The following CHN2 variants were observed in gnomAD, a reference collection of about 807,000 sequenced individuals.
CHN2 encodes the protein chimerin 2.
Under a neutral mutation model 56.3 loss-of-function variants are expected in CHN2, and 35 were observed. The ratio of observed to expected loss-of-function variants is 0.62; its 90% CI spans 0.47 to 0.82. CHN2 has a LOEUF of 0.82. Ranked by LOEUF, CHN2 falls within the 40% of genes least tolerant of loss-of-function variation. The pLI, the probability that CHN2 is intolerant of heterozygous loss-of-function variation, is 0.00. For synonymous variants in CHN2, 210 were observed against 212.8 expected, an observed-to-expected ratio of 0.99 and a Z score of 0.12; for missense variants, 491 against 580.5, an observed-to-expected ratio of 0.85 and a Z score of 1.58.
intron 1 of CHN2, among the ~76,000 whole-genome samples, chr7:29,280,147 G>A (rs536636867): frequency 6.6e-6 from 1 of 152,294 alleles, no homozygotes; most frequent in African/African-American, 2.4e-5. Context: ...ACTTTGGGAG[G>A]CTGAGGCGGG....
chr7:29,405,164 TACACACACACACACACACACACAC>T (rs57823678), intron 6 of CHN2, among the ~76,000 whole-genome samples: 11,176 of 105,314 alleles, frequency 0.11, 608 homozygotes, highest in South Asian at 0.24. Flanking sequence ...TATGTCACCA[TACACACACACACACACACACACAC>T]ACACACACAC....
intron 1 of CHN2, among the ~76,000 whole-genome samples, chr7:29,251,402 C>T (rs756755445): frequency 2.0e-5 from 3 of 151,724 alleles, no homozygotes; most frequent in Non-Finnish European, 4.4e-5. Flanking sequence ...TGCAGTGAGC[C>T]GTGATCATGC....
At chr7:29,422,718 G>A (rs528687489) in intron 6 of CHN2, among the ~76,000 whole-genome samples, 5 of 152,286 alleles carry the variant, frequency 3.3e-5, no homozygotes, top group South Asian at 2.1e-4. Context: ...AGATAAATTT[G>A]CATCTTACAA....
chr7:29,163,577 G>A (rs1346965427), intron 2 of CHN2, among the ~76,000 whole-genome samples: 1 of 151,754 alleles, frequency 6.6e-6, no homozygotes, highest in Non-Finnish European at 1.5e-5. Context: ...AGGTATAACT[G>A]GCATACAATA....
At chr7:29,430,039 C>G (rs764304324) in intron 6 of CHN2, among the ~76,000 whole-genome samples, 3 of 152,208 alleles carry the variant, frequency 2.0e-5, no homozygotes, top group Non-Finnish European at 4.4e-5. Flanking sequence ...GCCATTTCTA[C>G]TGTACTTAGA....
chr7:29,512,634 A>G lies in CHN2; in HGVS notation c.1306A>G (p.Met436Val), dbSNP rs1791623175. The G allele has an allele frequency of 6.2e-7, 1 of 1,614,196 alleles. No homozygotes were observed. Among genetic ancestry groups the G allele is most frequent in the East Asian group, 2.2e-5 (1 of 44,886 alleles). Residue 436 changes from methionine (M) to valine (V), a missense_variant, in exon 13 of 13, where the codon ATG becomes GTG. Physicochemically the swap from Met to Val is conservative, Grantham distance 21. Transcript: ENST00000222792. ...NLGIVFGPTL[M>V]RPPEDSTLTT... ...GGGGATCGTGTTTGGGCCCACTCTGATGAGGCCCCCTGAGGACAGCACCCT... is the reference window on the plus strand; with the variant it reads ...GGGGATCGTGTTTGGGCCCACTCTGGTGAGGCCCCCTGAGGACAGCACCCT...
At chr7:29,234,266 C>CAACT (rs57049445) in intron 1 of CHN2, among the ~76,000 whole-genome samples, 59,342 of 151,636 alleles carry the variant, frequency 0.39, 11,763 homozygotes, top group East Asian at 0.54. Context: ...ATATAGTGAC[C>CAACT]GAGTGAATGA....
intron 2 of CHN2, among the ~76,000 whole-genome samples, chr7:29,176,203 T>C (rs906125200): frequency 1.4e-5 from 2 of 147,254 alleles, no homozygotes; most frequent in African/African-American, 5.0e-5. Context: ...AAAAAACAGA[T>C]AAAAGAAAAA....
chr7:29,444,918 T>A (rs1277159489), intron 6 of CHN2, among the ~76,000 whole-genome samples: 1 of 152,212 alleles, frequency 6.6e-6, no homozygotes, highest in East Asian at 1.9e-4. Flanking sequence ...TTGGATACCT[T>A]TGAAGACACT....
chr7:29,324,531 T>A (rs560473324), intron 1 of CHN2, among the ~76,000 whole-genome samples: 41 of 152,196 alleles, frequency 2.7e-4, no homozygotes, highest in Non-Finnish European at 5.4e-4. Flanking sequence ...ACTGTTAGAG[T>A]GACACTGTTG....
At chr7:29,263,471 G>A (rs548628081) in intron 1 of CHN2, among the ~76,000 whole-genome samples, 8 of 152,060 alleles carry the variant, frequency 5.3e-5, no homozygotes, top group Admixed American at 2.6e-4. Context: ...AGTGAGGAGC[G>A]TCTCTGCCTG....
At chr7:29,195,092 C>T in intron 1 of CHN2, 102 bp downstream of exon 1, 2 of 1,308,764 alleles carry the variant, frequency 1.5e-6, no homozygotes, top group East Asian at 2.8e-5. Flanking sequence ...GCCATCCCGC[C>T]CGCTCTCTCG....
At chr7:29,321,395 G>T (rs1267036660) in intron 1 of CHN2, among the ~76,000 whole-genome samples, 2 of 152,048 alleles carry the variant, frequency 1.3e-5, no homozygotes, top group East Asian at 3.9e-4. Flanking sequence ...TCCTCTGAAG[G>T]AGGATATACC....
intron 1 of CHN2, among the ~76,000 whole-genome samples, chr7:29,350,120 T>C (rs1038489703): frequency 6.6e-5 from 10 of 152,158 alleles, no homozygotes; most frequent in African/African-American, 2.4e-4. Flanking sequence ...TATGTAAATT[T>C]GGGGGGACTG....
At position 29,284,844 on chromosome 7, in the gene CHN2, A is replaced by G. The variant is rs1792022290; in HGVS notation, c.50-69781A>G. Reference sequence around the variant, plus strand: ...TGTAGCAATAACAGATGAATGCACAAGGATCTGAACCTCGTGATTCTGGCT... The same window carrying G: ...TGTAGCAATAACAGATGAATGCACAGGGATCTGAACCTCGTGATTCTGGCT... On this transcript the variant is annotated intron_variant, in intron 1 of 12. Transcript: ENST00000222792. 3.3e-5 allele frequency among the ~76,000 whole-genome samples: 5 copies of G among 152,234 alleles called. No individual in the cohort carries two copies. The South Asian group carries it at 1.0e-3, about 32-fold the overall frequency.
At chr7:29,261,275 G>T (rs1292711010) in intron 1 of CHN2, among the ~76,000 whole-genome samples, 2 of 152,190 alleles carry the variant, frequency 1.3e-5, no homozygotes, top group Non-Finnish European at 2.9e-5. Context: ...CCGGCGGAGG[G>T]GGTTGGTGTT....
chr7:29,398,635 C>T, intron 5 of CHN2, 149 bp downstream of exon 5: 1 of 614,584 alleles, frequency 1.6e-6, no homozygotes. Context: ...CCCACTCTCT[C>T]ACCCAGGCTG....
At chr7:29,504,893 T>C in intron 10 of CHN2, 72 bp downstream of exon 10, 3 of 1,063,810 alleles carry the variant, frequency 2.8e-6, no homozygotes, top group Non-Finnish European at 2.9e-6. Flanking sequence ...GTTTTAATCA[T>C]AGTAGAAATG....
chr7:29,478,003 C>A (rs1205244201), intron 6 of CHN2, among the ~76,000 whole-genome samples: 1 of 152,166 alleles, frequency 6.6e-6, no homozygotes, highest in Non-Finnish European at 1.5e-5. Context: ...CTCAGTGTGG[C>A]AGGGATAAGA....
Sources: allele counts gnomAD v4.1 joint callset (sites outside exome capture counted in the v4.1 genomes callset), GRCh38; gene constraint gnomAD v4.1.1; transcripts MANE v1.5; gene names NCBI Gene and HGNC (gene_info 2026-07-23, HGNC 2026-07-21).